Variants in ULK4 observed in about 807,000 individuals in gnomAD.
The protein encoded by ULK4 is inactive serine/threonine-protein kinase ULK4.
ULK4 carries 133 observed loss-of-function variants against 160.6 expected under a neutral mutation model. That is an observed-to-expected ratio of 0.83 (90% CI 0.72 to 0.96). The LOEUF is 0.96. Ranked by LOEUF, ULK4 falls within the 40% of genes least tolerant of loss-of-function variation. The pLI, the probability that ULK4 is intolerant of heterozygous loss-of-function variation, is 0.00. For synonymous variants in ULK4, 534 were observed against 539.8 expected (o/e 0.99, Z 0.15); for missense variants, 1,580 against 1,499.5 (o/e 1.05, Z -0.89).
intron 22 of ULK4, among the ~76,000 whole-genome samples, chr3:41,722,457 C>T (rs1053414456): frequency 2.6e-5 from 4 of 151,944 alleles, no homozygotes; most frequent in Non-Finnish European, 4.4e-5. Context: ...GGAGAAACCC[C>T]GTCTCCACCA....
intron 22 of ULK4, among the ~76,000 whole-genome samples, chr3:41,739,138 C>A (rs2038150785): frequency 6.6e-6 from 1 of 152,068 alleles, no homozygotes; most frequent in East Asian, 1.9e-4. Flanking sequence ...GGTCACCAAG[C>A]CACTACGTTA....
intron 18 of ULK4, among the ~76,000 whole-genome samples, chr3:41,822,197 C>T (rs1446042478): frequency 6.7e-6 from 1 of 150,288 alleles, no homozygotes; most frequent in Non-Finnish European, 1.5e-5. Context: ...ATGATCATGT[C>T]CCTGCCAGTC....
intron 35 of ULK4, among the ~76,000 whole-genome samples, chr3:41,305,009 C>T (rs1246472867): frequency 2.6e-5 from 4 of 152,288 alleles, no homozygotes; most frequent in East Asian, 1.9e-4. Flanking sequence ...GAAGGGTGCA[C>T]ACACTGGGCC....
At chr3:41,828,876 C>T (rs1396283386) in intron 18 of ULK4, among the ~76,000 whole-genome samples, 10 of 152,098 alleles carry the variant, frequency 6.6e-5, no homozygotes, top group South Asian at 2.1e-4. Context: ...GGAGGCATCA[C>T]GCTACCTGAC....
chr3:41,277,477 T>A (rs1360849388), intron 35 of ULK4, among the ~76,000 whole-genome samples: 3 of 152,138 alleles, frequency 2.0e-5, no homozygotes, highest in Non-Finnish European at 4.4e-5. Context: ...ATATACCACA[T>A]AACAGAATTA....
chr3:41,917,949 T>C (rs2148810734), intron 7 of ULK4, among the ~76,000 whole-genome samples: 1 of 152,166 alleles, frequency 6.6e-6, no homozygotes, highest in African/African-American at 2.4e-5. Flanking sequence ...AACACGCCAC[T>C]GCACTCCAGC....
Position 41,352,246 on chromosome 3 carries a change from C to T in ULK4, c.3678+45833G>A, listed in dbSNP as rs77144830. 5.3e-5 allele frequency among the ~76,000 whole-genome samples: 8 copies of T among 152,264 alleles called. No individual in the cohort carries two copies. The East Asian group carries it at 1.5e-3, about 29-fold the overall frequency. On this transcript the variant is annotated intron_variant, in intron 35 of 36. Coordinates refer to ENST00000301831, the MANE Select transcript of ULK4 (RefSeq NM_017886.4). ...AGAGGATGACTGGTGCCCCTTCCTG[C>T]TCCTCCACAAATGCTACAACCATCA... is the stretch of plus-strand genomic sequence containing the variant.
chr3:41,653,115 C>T (rs965843735), intron 30 of ULK4, among the ~76,000 whole-genome samples: 2 of 152,136 alleles, frequency 1.3e-5, no homozygotes, highest in Non-Finnish European at 2.9e-5. Context: ...AGCCTTCGGG[C>T]ATATCTTTCC....
intron 17 of ULK4, among the ~76,000 whole-genome samples, chr3:41,851,459 T>G (rs1184549246): frequency 6.6e-6 from 1 of 152,184 alleles, no homozygotes; most frequent in African/African-American, 2.4e-5. Flanking sequence ...CTTTTGGATA[T>G]GCTGCTGGAT....
chr3:41,358,025 C>T (rs2081061074), intron 35 of ULK4, among the ~76,000 whole-genome samples: 1 of 152,204 alleles, frequency 6.6e-6, no homozygotes, highest in Non-Finnish European at 1.5e-5. Context: ...TCTCTAAGGT[C>T]AGAGTGCCAG....
At chr3:41,933,755 T>A (rs1035115568) in intron 4 of ULK4, among the ~76,000 whole-genome samples, 3 of 146,532 alleles carry the variant, frequency 2.0e-5, no homozygotes, top group Admixed American at 6.8e-5. Context: ...AAAAAAAAAA[T>A]AATGTGGTTT....
intron 12 of ULK4, among the ~76,000 whole-genome samples, chr3:41,903,156 T>C (rs866254787): frequency 3.3e-5 from 5 of 152,198 alleles, no homozygotes; most frequent in Admixed American, 6.5e-5. Context: ...GAGGAGGAAC[T>C]GCTAGTAAAT....
chr3:41,675,887 A>T (rs934277427), intron 29 of ULK4, among the ~76,000 whole-genome samples: 1 of 152,212 alleles, frequency 6.6e-6, no homozygotes, highest in Non-Finnish European at 1.5e-5. Context: ...TTAAAGAATG[A>T]ATTCCTACTG....
chr3:41,523,348 C>T (rs2086000500), intron 32 of ULK4, among the ~76,000 whole-genome samples: 1 of 152,092 alleles, frequency 6.6e-6, no homozygotes, highest in African/African-American at 2.4e-5. Flanking sequence ...AGAAGTGGGA[C>T]AACACATATG....
chr3:41,451,092 G>A (rs2083415009), intron 34 of ULK4, among the ~76,000 whole-genome samples: 2 of 152,134 alleles, frequency 1.3e-5, no homozygotes, highest in Non-Finnish European at 2.9e-5. Flanking sequence ...AAGCAGGACA[G>A]TGAAAGCTGC....
At chr3:41,931,456 T>C (rs1699595484) in intron 5 of ULK4, among the ~76,000 whole-genome samples, 1 of 124,428 alleles carries the variant, frequency 8.0e-6, no homozygotes, top group Non-Finnish European at 1.6e-5. Flanking sequence ...GTTCTGCACA[T>C]GTACCCTAGA....
chr3:41,609,882 G>A (rs745979054), intron 31 of ULK4, among the ~76,000 whole-genome samples: 16 of 151,966 alleles, frequency 1.1e-4, no homozygotes, highest in Admixed American at 2.0e-4. Context: ...GCTGAGGCAG[G>A]AGGATCACTT....
intron 27 of ULK4, among the ~76,000 whole-genome samples, chr3:41,694,192 G>A (rs2036408989): frequency 6.6e-6 from 1 of 152,240 alleles, no homozygotes; most frequent in African/African-American, 2.4e-5. Context: ...AAAGAACTGT[G>A]TAGGGGACTG....
chr3:41,607,238 G>T (rs1417505656), intron 31 of ULK4, among the ~76,000 whole-genome samples: 1 of 152,044 alleles, frequency 6.6e-6, no homozygotes, highest in Non-Finnish European at 1.5e-5. Flanking sequence ...GAAGGGATAA[G>T]GTGTATTTGT....
Sources: gnomAD v4.1 joint callset for allele counts (sites outside exome capture counted in the v4.1 genomes callset) on GRCh38, gnomAD v4.1.1 for gene constraint, MANE v1.5 for transcripts, NCBI Gene and HGNC (gene_info 2026-07-23, HGNC 2026-07-21) for gene names.